Variants in TCF4 observed in about 807,000 individuals in gnomAD.
The protein encoded by TCF4 is SL3-3 enhancer factor 2.
In TCF4, 3 loss-of-function variants were observed where a neutral mutation model predicts 82.1. The observed-to-expected ratio is 0.04, with a 90% CI of 0.02 to 0.09. The LOEUF (loss-of-function observed/expected upper bound fraction) is 0.09. TCF4 is among the 10% of genes least tolerant of loss of function. The pLI, the probability that TCF4 is intolerant of heterozygous loss-of-function variation, is 1.00. For missense variants in TCF4, 518 were observed against 852.7 expected (o/e 0.61, Z 4.89); for synonymous variants, 276 against 309.6 (o/e 0.89, Z 1.14).
intron 9 of TCF4, among the ~76,000 whole-genome samples, chr18:55,277,628 G>A (rs1486559572): frequency 1.4e-5 from 2 of 146,898 alleles, no homozygotes; most frequent in Non-Finnish European, 3.0e-5. Context: ...TTTGCTTTTC[G>A]GGTATGCATA....
intron 3 of TCF4, among the ~76,000 whole-genome samples, chr18:55,466,509 T>C (rs2924328): frequency 0.4 from 60,465 of 151,718 alleles, 12,324 homozygotes; most frequent in East Asian, 0.55. Context: ...AAAATATATA[T>C]ATATATTTTT....
chr18:55,311,196 GA>G (rs911496734), intron 8 of TCF4, among the ~76,000 whole-genome samples: 3 of 150,570 alleles, frequency 2.0e-5, no homozygotes, highest in Non-Finnish European at 3.0e-5. Flanking sequence ...GAAAGGGAAA[GA>G]AAAAAAACAA....
At chr18:55,494,155 T>G (rs2096605000) in intron 3 of TCF4, among the ~76,000 whole-genome samples, 1 of 82,070 alleles carries the variant, frequency 1.2e-5, no homozygotes, top group Admixed American at 1.2e-4. Context: ...TGAAATATTA[T>G]GGACACACAC....
chr18:55,497,038 C>T (rs2096645231), intron 3 of TCF4, among the ~76,000 whole-genome samples: 1 of 152,070 alleles, frequency 6.6e-6, no homozygotes, highest in South Asian at 2.1e-4. Flanking sequence ...AAGGTTCAAC[C>T]ATATTTCCAC....
intron 18 of TCF4, 58 bp from the exon 19 acceptor site, chr18:55,228,419 A>G: frequency 6.2e-7 from 1 of 1,605,220 alleles, no homozygotes; most frequent in Non-Finnish European, 8.5e-7. Flanking sequence ...GGCAGAGGGC[A>G]GCAATGCACT....
intron 3 of TCF4, 29 bp from the exon 4 acceptor site, chr18:55,464,166 T>G: frequency 1.2e-6 from 2 of 1,604,940 alleles, no homozygotes; most frequent in Non-Finnish European, 1.7e-6. Context: ...TTCTTTAGGC[T>G]TTCTTGCAGT....
At chr18:55,585,928 A>C in intron 2 of TCF4, 2 of 1,243,600 alleles carry the variant, frequency 1.6e-6, no homozygotes, top group Non-Finnish European at 1.0e-6. Context: ...TTTCGACCCT[A>C]ATTGGTTTCC....
intron 8 of TCF4, among the ~76,000 whole-genome samples, chr18:55,292,504 C>A (rs914906777): frequency 6.6e-6 from 1 of 152,040 alleles, no homozygotes; most frequent in Non-Finnish European, 1.5e-5. Context: ...TCTTTTTTGT[C>A]TTCCTTGATA....
upstream of TCF4, chr18:55,588,742 AT>A (rs1171227097): frequency 7.9e-7 from 1 of 1,260,332 alleles, no homozygotes; most frequent in Non-Finnish European, 1.0e-6. Flanking sequence ...TCCTGGGGAG[AT>A]TTTCGTTTCG....
At chr18:55,388,880 T>C (rs1031840113) in intron 6 of TCF4, among the ~76,000 whole-genome samples, 2 of 151,940 alleles carry the variant, frequency 1.3e-5, no homozygotes, top group African/African-American at 2.4e-5. Context: ...TCTCAGCACT[T>C]TGGGAGGCCG....
intron 8 of TCF4, among the ~76,000 whole-genome samples, chr18:55,312,283 CCCAGGAATCA>C (rs1322126873): frequency 2.0e-5 from 3 of 152,136 alleles, no homozygotes; most frequent in African/African-American, 7.2e-5. Context: ...ACCAACTGAA[CCCAGGAATCA>C]CCATCTAACT....
At chr18:55,263,524 C>A (rs533509724) in intron 11 of TCF4, among the ~76,000 whole-genome samples, 7 of 152,186 alleles carry the variant, frequency 4.6e-5, no homozygotes, top group African/African-American at 1.7e-4. Context: ...TCGCTTGAAC[C>A]TGGGAGGCGG....
intron 3 of TCF4, among the ~76,000 whole-genome samples, chr18:55,474,203 C>T (rs2096244445): frequency 6.6e-6 from 1 of 152,120 alleles, no homozygotes; most frequent in Non-Finnish European, 1.5e-5. Context: ...TAGCTTGGAT[C>T]ACGGGAAAAT....
intron 6 of TCF4, among the ~76,000 whole-genome samples, chr18:55,389,986 T>G (rs148562971): frequency 1.3e-5 from 2 of 152,086 alleles, no homozygotes; most frequent in Admixed American, 1.3e-4. Context: ...GGGACACAGA[T>G]GGAAGAACTA....
In TCF4 at chr18:55,508,566, A is replaced by G. The variant is rs140990979; in HGVS notation, c.146-44429T>C. Among the ~76,000 whole-genome samples the G allele has an allele frequency of 3.8e-3, 584 of 152,322 alleles. 6 individuals are homozygous for G. Among genetic ancestry groups the G allele is most frequent in the African/African-American group, 0.013 (546 of 41,584 alleles). ...TCACTCATTTAATTCCCATAGCCCA[A>G]TGAAGCAGGGACTTGTATTATCCTC... On this transcript the variant is annotated intron_variant, in intron 3 of 19. Coordinates refer to ENST00000354452, the MANE Select transcript of TCF4 (RefSeq NM_001083962.2).
chr18:55,303,623 T>C (rs962948778), intron 8 of TCF4, among the ~76,000 whole-genome samples: 1 of 152,064 alleles, frequency 6.6e-6, no homozygotes, highest in Non-Finnish European at 1.5e-5. Flanking sequence ...AGAAAAGATA[T>C]AAGGTGAAGT....
At chr18:55,306,548 CT>C (rs1374733271) in intron 8 of TCF4, among the ~76,000 whole-genome samples, 1 of 152,186 alleles carries the variant, frequency 6.6e-6, no homozygotes, top group Non-Finnish European at 1.5e-5. Context: ...TAATTTAACC[CT>C]GTGTCAGTCA....
chr18:55,583,683 G>T (rs929203730), intron 3 of TCF4, among the ~76,000 whole-genome samples: 5 of 151,996 alleles, frequency 3.3e-5, no homozygotes, highest in Non-Finnish European at 7.4e-5. Context: ...CTATCTCTGT[G>T]TCTGTCTGAC....
chr18:55,577,181 T>C (rs2097536843), intron 3 of TCF4, among the ~76,000 whole-genome samples: 2 of 118,878 alleles, frequency 1.7e-5, no homozygotes, highest in South Asian at 2.5e-4. Context: ...TATATATTTA[T>C]AAATGTATAT....
Sources: allele counts gnomAD v4.1 joint callset (sites outside exome capture counted in the v4.1 genomes callset), GRCh38; gene constraint gnomAD v4.1.1; transcripts MANE v1.5; gene names NCBI Gene and HGNC (gene_info 2026-07-23, HGNC 2026-07-21).